Variants in ZNF813 observed in about 807,000 individuals in gnomAD.
ZNF813 encodes zinc finger protein 813.
A neutral mutation model predicts 7.2 loss-of-function variants in ZNF813; 3 were observed. The ratio of observed to expected loss-of-function variants is 0.42; its 90% CI spans 0.19 to 1.08. ZNF813 has a LOEUF of 1.08. Ranked by LOEUF, ZNF813 falls within the 50% of genes least tolerant of loss-of-function variation. ZNF813 has a pLI of 0.30. For missense variants in ZNF813, 714 were observed against 753.3 expected, an observed-to-expected ratio of 0.95 and a Z score of 0.61; for synonymous variants, 227 against 256.3, an observed-to-expected ratio of 0.89 and a Z score of 1.09.
At chr19:53,469,892 C>A (rs2617709) in intron 1 of ZNF813, among the ~76,000 whole-genome samples, 146,715 of 151,484 alleles carry the variant, frequency 0.97, 71,089 homozygotes, top group African/African-American at 0.98. Context: ...AGAGAGACTG[C>A]TATGGGGGAG....
At chr19:53,481,344 C>T (rs200363933) in intron 1 of ZNF813, among the ~76,000 whole-genome samples, 77 of 106,350 alleles carry the variant, frequency 7.2e-4, no homozygotes, top group South Asian at 1.8e-3. Context: ...CCCATGTATT[C>T]TTTTTTTTTT....
At chr19:53,483,076 C>T (rs2147159418) in intron 1 of ZNF813, among the ~76,000 whole-genome samples, 1 of 152,026 alleles carries the variant, frequency 6.6e-6, no homozygotes, top group African/African-American at 2.4e-5. Flanking sequence ...AGCCCAGTTG[C>T]TTTTTATATT....
intron 1 of ZNF813, among the ~76,000 whole-genome samples, chr19:53,473,034 A>G (rs1189517653): frequency 1.3e-5 from 2 of 152,174 alleles, no homozygotes; most frequent in African/African-American, 4.8e-5. Context: ...ACACATTTCT[A>G]TAGTTGCTTT....
intron 1 of ZNF813, among the ~76,000 whole-genome samples, chr19:53,475,962 C>T (rs1478803714): frequency 6.6e-6 from 1 of 152,088 alleles, no homozygotes; most frequent in Non-Finnish European, 1.5e-5. Flanking sequence ...TTTGTGGCTT[C>T]CTATTAACGA....
At position 53,492,051 on chromosome 19, in the gene ZNF813, T is replaced by C. The variant is rs753900739; in HGVS notation, c.1819T>C (p.Tyr607His). The C allele has an allele frequency of 1.2e-6, 2 of 1,613,766 alleles. No individual in the cohort carries two copies. Among genetic ancestry groups the C allele is most frequent in the African/African-American group, 2.7e-5 (2 of 74,894 alleles). Residue 607 changes from tyrosine to histidine, a missense_variant, in exon 4 of 4, where the codon TAC becomes CAC. Physicochemically the swap from Tyr to His is moderately conservative, Grantham distance 83. Transcript: ENST00000396403. ...TAGACTTCATACTGGAGAGAAACCT[T>C]ACAAGTTTAATGAGTGTGGCAAAGC... Reference protein sequence around the residue: ...HHRLHTGEKPYKFNECGKAFN With the variant: ...HHRLHTGEKPHKFNECGKAFN
intron 2 of ZNF813, among the ~76,000 whole-genome samples, chr19:53,485,576 A>G (rs973280481): frequency 8.3e-6 from 1 of 120,178 alleles, no homozygotes; most frequent in Non-Finnish European, 1.9e-5. Context: ...ATATACATGT[A>G]TGTCATGACA....
chr19:53,485,764 A>C (rs1319984547), intron 2 of ZNF813, among the ~76,000 whole-genome samples: 1 of 152,144 alleles, frequency 6.6e-6, no homozygotes, highest in Non-Finnish European at 1.5e-5. Flanking sequence ...GCTGGAGCAC[A>C]GTGGCGTGAT....
intron 1 of ZNF813, among the ~76,000 whole-genome samples, chr19:53,468,150 G>C (rs2086336611): frequency 6.6e-6 from 1 of 151,726 alleles, no homozygotes; most frequent in South Asian, 2.1e-4. Flanking sequence ...CCCCAGTCCC[G>C]GGAAGGCCGC....
chr19:53,484,757 G>A (rs2086424617), intron 2 of ZNF813, among the ~76,000 whole-genome samples: 1 of 152,150 alleles, frequency 6.6e-6, no homozygotes, highest in Admixed American at 6.5e-5. Flanking sequence ...ATTAGTGACG[G>A]GTATCACCAT....
intron 1 of ZNF813, chr19:53,479,253 C>T: frequency 7.8e-7 from 1 of 1,284,702 alleles, no homozygotes; most frequent in South Asian, 1.3e-5. Flanking sequence ...TCTTAGTTTT[C>T]AAAATTTCTC....
intron 3 of ZNF813, among the ~76,000 whole-genome samples, chr19:53,487,333 A>C (rs1204468305): frequency 6.6e-6 from 1 of 151,778 alleles, no homozygotes; most frequent in African/African-American, 2.4e-5. Flanking sequence ...TTTGTTCTTC[A>C]TTTCTCATTT....
intron 1 of ZNF813, among the ~76,000 whole-genome samples, chr19:53,474,993 C>T (rs1381633929): frequency 6.6e-6 from 1 of 152,132 alleles, no homozygotes; most frequent in Non-Finnish European, 1.5e-5. Context: ...CTCTGCCTTT[C>T]TGTTTCCTGT....
Position 53,490,734 on chromosome 19 carries a change from A to T in ZNF813, c.502A>T (p.Ile168Phe), listed in dbSNP as rs12460628. 98,539 of 1,614,106 alleles carry T rather than the reference A, an allele frequency of 0.061. 3,482 individuals are homozygous for T. The highest frequency in any genetic ancestry group is 0.13 in the East Asian group (6,006 of 44,868). ...AATTGGTAATCAAGTGGAGAAGTCT[A>T]TCAACGATGCTTCCTCAATTTCAAC... Reference protein sequence around the residue: ...GKIGNQVEKSINDASSISTSQ... With the variant: ...GKIGNQVEKSFNDASSISTSQ... Residue 168 changes from isoleucine to phenylalanine, a missense_variant, in exon 4 of 4, where the codon ATC (isoleucine) becomes TTC (phenylalanine). Transcript: ENST00000396403.
chr19:53,489,864 A>G (rs1236991821), intron 3 of ZNF813, among the ~76,000 whole-genome samples: 1 of 152,036 alleles, frequency 6.6e-6, no homozygotes, highest in Non-Finnish European at 1.5e-5. Flanking sequence ...ACGCCTGGCT[A>G]CATTTTGTAA....
intron 1 of ZNF813, among the ~76,000 whole-genome samples, chr19:53,471,834 G>C (rs1465745692): frequency 7.0e-6 from 1 of 142,718 alleles, no homozygotes; most frequent in African/African-American, 2.6e-5. Flanking sequence ...AAAGTGCTAG[G>C]TGCATCGGTT....
chr19:53,486,859 A>G, intron 3 of ZNF813, 101 bp downstream of exon 3: 2 of 1,574,878 alleles, frequency 1.3e-6, no homozygotes, highest in Non-Finnish European at 1.7e-6. Flanking sequence ...CCCAGGGTGG[A>G]GTGAAATGGT....
intron 2 of ZNF813, among the ~76,000 whole-genome samples, chr19:53,484,506 A>T (rs1490023906): frequency 6.6e-6 from 1 of 152,190 alleles, no homozygotes; most frequent in Non-Finnish European, 1.5e-5. Context: ...GGCTTGTGAA[A>T]CAGGTGTTTT....
chr19:53,496,080 C>T lies in ZNF813; in HGVS notation c.*3994C>T, dbSNP rs1044615720. 2.1e-5 allele frequency: 6 copies of T among 280,156 alleles called. No individual in the cohort carries two copies. The highest frequency in any genetic ancestry group is 4.3e-5 in the Non-Finnish European group (6 of 140,284). 17.4% of individuals were successfully genotyped at this position (280,156 alleles called of 1,614,324 possible). Reference sequence around the variant, plus strand: ...GGCACACATATTTATGCTGTGTGAGCATTACAATCGCGTTACCATATCAAG... The same window carrying T: ...GGCACACATATTTATGCTGTGTGAGTATTACAATCGCGTTACCATATCAAG... On this transcript the variant is annotated 3_prime_UTR_variant, in exon 4 of 4. Transcript: ENST00000396403.
At chr19:53,482,706 CTTTTTGT>C (rs2086414230) in intron 1 of ZNF813, among the ~76,000 whole-genome samples, 1 of 91,500 alleles carries the variant, frequency 1.1e-5, no homozygotes, top group African/African-American at 3.9e-5. Flanking sequence ...ATCAGGAATG[CTTTTTGT>C]TTTTTTTTTT....
Sources: allele counts gnomAD v4.1 joint callset (sites outside exome capture counted in the v4.1 genomes callset), GRCh38; gene constraint gnomAD v4.1.1; transcripts MANE v1.5; gene names NCBI Gene and HGNC (gene_info 2026-07-23, HGNC 2026-07-21).